KANK1: variants seen among roughly 807,000 people sequenced by gnomAD.
KANK1 encodes KN motif and ankyrin repeat domains 1, also known as KN motif and ankyrin repeat domain-containing protein 1.
Under a neutral mutation model 106.2 loss-of-function variants are expected in KANK1, and 109 were observed. That is an observed-to-expected ratio of 1.03 (90% CI 0.88 to 1.20). The LOEUF (loss-of-function observed/expected upper bound fraction) is 1.20. Ranked by LOEUF, KANK1 falls within the 50% of genes most tolerant of loss-of-function variation. The probability of loss-of-function intolerance (pLI) is 0.00; values close to 1 mark genes in which losing one functional copy is unlikely to be tolerated. For missense variants in KANK1, 2,399 were observed against 1,710.7 expected, an observed-to-expected ratio of 1.40 and a Z score of -7.10; for synonymous variants, 873 against 652.2, an observed-to-expected ratio of 1.34 and a Z score of -5.16.
intron 2 of KANK1, chr9:693,514 G>A: frequency 1.0e-6 from 1 of 985,394 alleles, no homozygotes; most frequent in Non-Finnish European, 1.2e-6. Flanking sequence ...GAAGATGAGA[G>A]AGGGCTTTGC....
In KANK1 at chr9:601,605, A is replaced by G. The variant is rs559725535; in HGVS notation, c.-83-75285A>G. 6.6e-5 allele frequency among the ~76,000 whole-genome samples: 10 copies of G among 151,904 alleles called. No individual in the cohort carries two copies. The South Asian group carries it at 2.1e-3, about 32-fold the overall frequency. ...CTTGATGTCAGTTTCCCTTATTGCT[A>G]GTGCTATTCGTGTGGACTCATCATG... On this transcript the variant is annotated intron_variant, in intron 1 of 11. Coordinates refer to ENST00000382297, the MANE Select transcript of KANK1 (RefSeq NM_015158.5).
In KANK1 at chr9:712,757, C is replaced by T. The variant is rs3824421; in HGVS notation, c.1991C>T (p.Ala664Val). 1.2e-3 allele frequency: 1,935 copies of T among 1,613,824 alleles called. 41 individuals are homozygous for T. The East Asian group carries it at 0.031, about 26-fold the overall frequency. ...AGCCAGGTGGAAGCTGCCGTCATGG[C>T]AGTGCCTCGTACTGCAGACCAGGAC... is the stretch of plus-strand genomic sequence containing the variant. ...AVSQVEAAVM[A>V]VPRTADQDTS... The change falls in exon 3 of 12, where the codon GCA (alanine) becomes GTA (valine). Residue 664 changes from alanine (A) to valine (V), a missense_variant. Physicochemically the swap from Ala to Val is moderately conservative, Grantham distance 64. Coordinates refer to ENST00000382297, the MANE Select transcript of KANK1 (RefSeq NM_015158.5).
At chr9:547,293 G>C (rs2060990206) in intron 1 of KANK1, 1 of 152,216 alleles carries the variant, frequency 6.6e-6, no homozygotes, top group Non-Finnish European at 1.5e-5. Flanking sequence ...GTAACATTTT[G>C]TCAATGGGGA....
intron 1 of KANK1, among the ~76,000 whole-genome samples, chr9:671,225 GTT>G (rs34085331): frequency 1.3e-5 from 2 of 149,816 alleles, no homozygotes; most frequent in African/African-American, 4.9e-5. Flanking sequence ...ACCTGGTGGA[GTT>G]TTTTTTTTGT....
At chr9:735,471 A>G (rs1488585525) in intron 7 of KANK1, among the ~76,000 whole-genome samples, 1 of 152,224 alleles carries the variant, frequency 6.6e-6, no homozygotes, top group East Asian at 1.9e-4. Flanking sequence ...GCCAAGAATG[A>G]CATATTCTCA....
intron 1 of KANK1, among the ~76,000 whole-genome samples, chr9:597,045 C>T (rs1429153920): frequency 6.6e-6 from 1 of 151,924 alleles, no homozygotes; most frequent in Non-Finnish European, 1.5e-5. Context: ...GTATATTCAT[C>T]CATGTTGTAA....
chr9:694,685 C>G (rs1007861530), intron 2 of KANK1, among the ~76,000 whole-genome samples: 6 of 152,200 alleles, frequency 3.9e-5, no homozygotes, highest in Non-Finnish European at 8.8e-5. Flanking sequence ...CGTTCCACTA[C>G]TGAGAATAGT....
intron 1 of KANK1, among the ~76,000 whole-genome samples, chr9:614,090 C>T (rs1009890212): frequency 6.6e-6 from 1 of 152,174 alleles, no homozygotes; most frequent in Non-Finnish European, 1.5e-5. Context: ...AGTTCTTGGT[C>T]ATGCCAGTGG....
chr9:484,666 G>T (rs1278493259), intron 3 of KANK1, among the ~76,000 whole-genome samples: 3 of 152,170 alleles, frequency 2.0e-5, no homozygotes, highest in Admixed American at 2.0e-4. Context: ...AAAGAAAAAA[G>T]GTAGATAATT....
At chr9:663,405 C>G (rs978423417) in intron 1 of KANK1, among the ~76,000 whole-genome samples, 1 of 152,132 alleles carries the variant, frequency 6.6e-6, no homozygotes, top group Non-Finnish European at 1.5e-5. Context: ...TCTGTTTTCC[C>G]TAAATCTATT....
intron 1 of KANK1, among the ~76,000 whole-genome samples, chr9:534,325 G>C (rs1173996530): frequency 6.6e-6 from 1 of 152,138 alleles, no homozygotes; most frequent in African/African-American, 2.4e-5. Context: ...TATTGTGCTC[G>C]GTTGGCTACA....
chr9:580,024 C>G (rs983544440), intron 1 of KANK1, among the ~76,000 whole-genome samples: 1 of 152,148 alleles, frequency 6.6e-6, no homozygotes, highest in African/African-American at 2.4e-5. Context: ...GCCACAGACC[C>G]TTGCGGTGAG....
At chr9:707,197 G>C (rs559254158) in intron 2 of KANK1, 4 of 986,020 alleles carry the variant, frequency 4.1e-6, no homozygotes, top group Admixed American at 6.1e-5. Context: ...GAGCTGGAGC[G>C]AGCTGTGCGG....
At chr9:671,757 G>C (rs1031810078) in intron 1 of KANK1, among the ~76,000 whole-genome samples, 3 of 151,948 alleles carry the variant, frequency 2.0e-5, no homozygotes, top group African/African-American at 4.8e-5. Context: ...ATACCAGCCT[G>C]GCCAACATGG....
chr9:528,027 GGAGGCT>G (rs2059878342), intron 1 of KANK1, among the ~76,000 whole-genome samples: 1 of 151,820 alleles, frequency 6.6e-6, no homozygotes, highest in Non-Finnish European at 1.5e-5. Context: ...CAGCTACTCG[GGAGGCT>G]GAGGCGGGAG....
intron 1 of KANK1, among the ~76,000 whole-genome samples, chr9:520,557 C>T (rs1250787115): frequency 2.0e-5 from 3 of 151,466 alleles, no homozygotes; most frequent in African/African-American, 7.3e-5. Context: ...GGGAGGTTAG[C>T]GAATAATTGA....
chr9:592,649 T>C (rs932304530), intron 1 of KANK1, among the ~76,000 whole-genome samples: 2 of 151,920 alleles, frequency 1.3e-5, no homozygotes, highest in African/African-American at 4.9e-5. Context: ...ATTTACCTTA[T>C]TGTAGTTTTA....
intron 2 of KANK1, among the ~76,000 whole-genome samples, chr9:682,527 C>T (rs979067699): frequency 5.3e-5 from 8 of 152,152 alleles, no homozygotes; most frequent in East Asian, 1.9e-4. Flanking sequence ...TTATTATTTT[C>T]AATGACTGTA....
At chr9:602,949 G>A (rs10975359) in intron 1 of KANK1, among the ~76,000 whole-genome samples, 9,892 of 151,806 alleles carry the variant, frequency 0.065, 1,025 homozygotes, top group East Asian at 0.24. Flanking sequence ...CATTCCACGT[G>A]TGGCTGATGG....
Sources: gnomAD v4.1 joint callset for allele counts (sites outside exome capture counted in the v4.1 genomes callset) on GRCh38, gnomAD v4.1.1 for gene constraint, MANE v1.5 for transcripts, NCBI Gene and HGNC (gene_info 2026-07-23, HGNC 2026-07-21) for gene names.